The following CAMTA1 variants were observed in gnomAD, a reference collection of about 807,000 sequenced individuals.
The protein encoded by CAMTA1 is calmodulin binding transcription activator 1, also known as calmodulin-binding transcription activator 1.
Under a neutral mutation model 170.9 loss-of-function variants are expected in CAMTA1, and 27 were observed. The observed-to-expected ratio is 0.16, with a 90% CI of 0.12 to 0.22. CAMTA1 has a LOEUF of 0.22. Among genes scored for constraint, CAMTA1 ranks in the 10% least tolerant of loss-of-function variants. The probability of loss-of-function intolerance (pLI) is 1.00; values close to 1 mark genes in which losing one functional copy is unlikely to be tolerated. For missense variants in CAMTA1, 1,619 were observed against 2,217.2 expected, an observed-to-expected ratio of 0.73 and a Z score of 5.42; for synonymous variants, 833 against 891.5, an observed-to-expected ratio of 0.93 and a Z score of 1.17.
rs1331458633 is a variant in CAMTA1 at position 7,532,144 on chromosome 1, G to A, written c.510+64243G>A. Among the ~76,000 whole-genome samples the A allele has an allele frequency of 6.6e-6, 1 of 152,102 alleles. No individual in the cohort carries two copies. The highest frequency in any genetic ancestry group is 2.4e-5 in the African/African-American group (1 of 41,430). ...TACCTGGAGGCTCCCGGGCCCACCCGAGCCCTAAGCTGCAGCCCTTGGGAC... is the reference window on the plus strand; with the variant it reads ...TACCTGGAGGCTCCCGGGCCCACCCAAGCCCTAAGCTGCAGCCCTTGGGAC... On this transcript the variant is annotated intron_variant, in intron 6 of 22. Transcript: ENST00000303635. This position sits in a 1 kb window ranked among gnomAD's most constrained non-coding sequence, Gnocchi z 4.2.
intron 5 of CAMTA1, among the ~76,000 whole-genome samples, chr1:7,457,727 C>A (rs891213908): frequency 6.6e-6 from 1 of 152,168 alleles, no homozygotes; most frequent in Admixed American, 6.5e-5. Context: ...TCTCCATGAC[C>A]CCCCTGCAGA....
intron 5 of CAMTA1, among the ~76,000 whole-genome samples, chr1:7,412,022 C>T (rs2090811191): frequency 6.7e-6 from 1 of 149,906 alleles, no homozygotes; most frequent in Non-Finnish European, 1.5e-5. Context: ...GGTTTTTTGT[C>T]CTTGCCATAG....
intron 3 of CAMTA1, among the ~76,000 whole-genome samples, chr1:7,003,746 C>T (rs1440180905): frequency 6.6e-6 from 1 of 152,180 alleles, no homozygotes; most frequent in African/African-American, 2.4e-5. Context: ...TAATGATTTT[C>T]ATATACCAGC....
Position 7,085,828 on chromosome 1 carries a change from T to C in CAMTA1, c.235-5476T>C, listed in dbSNP as rs1251940137. Among the ~76,000 whole-genome samples, 9 of 152,200 alleles carry C rather than the reference T, an allele frequency of 5.9e-5. 1 individual carries two copies. The highest frequency in any genetic ancestry group is 2.2e-4 in the African/African-American group (9 of 41,462). On this transcript the variant is annotated intron_variant, in intron 3 of 22. Transcript: ENST00000303635. ...CAGTCCTCTATCAAAACCCATCAGC[T>C]TGGGGACTGGATGGTGGGTGACCAT... is the stretch of plus-strand genomic sequence containing the variant.
At chr1:7,707,644 T>C (rs1275089480) in intron 11 of CAMTA1, among the ~76,000 whole-genome samples, 1 of 152,246 alleles carries the variant, frequency 6.6e-6, no homozygotes, top group East Asian at 1.9e-4. Context: ...CCCAAAGTGC[T>C]GAGATCACAG....
chr1:7,451,420 C>T (rs1575405379), intron 5 of CAMTA1, among the ~76,000 whole-genome samples: 3 of 152,280 alleles, frequency 2.0e-5, no homozygotes, highest in East Asian at 1.9e-4. Context: ...GCACTGCCTA[C>T]GGAGGGTCAC....
chr1:7,551,855 C>T (rs745371980), intron 6 of CAMTA1, among the ~76,000 whole-genome samples: 21 of 152,226 alleles, frequency 1.4e-4, no homozygotes, highest in Non-Finnish European at 1.6e-4. Flanking sequence ...TCTCTCCATT[C>T]CTGATGGCCT....
chr1:7,166,346 G>A (rs971066616), intron 4 of CAMTA1, among the ~76,000 whole-genome samples: 4 of 152,248 alleles, frequency 2.6e-5, no homozygotes, highest in East Asian at 1.9e-4. Context: ...GATTACAGGC[G>A]TGAGCCACCG....
At chr1:6,925,634 C>G (rs993288166) in intron 3 of CAMTA1, among the ~76,000 whole-genome samples, 1 of 152,108 alleles carries the variant, frequency 6.6e-6, no homozygotes, top group African/African-American at 2.4e-5. Flanking sequence ...TCCTTGGTAC[C>G]CTCTCTGGTT....
At position 7,748,769 on chromosome 1, in the gene CAMTA1, T is replaced by G. The variant is rs889673008; in HGVS notation, c.4689+988T>G. On this transcript the variant is annotated intron_variant, in intron 19 of 22. Transcript: ENST00000303635. The surrounding 1 kb of genome is among the most constrained non-coding windows in gnomAD (Gnocchi z 4.7). ...AGCTCAGAACATCTTAAACTGCTTTTGTGCACCTTAGTTAAAGGTGCAAGA... is the reference window on the plus strand; with the variant it reads ...AGCTCAGAACATCTTAAACTGCTTTGGTGCACCTTAGTTAAAGGTGCAAGA... 6.6e-6 allele frequency among the ~76,000 whole-genome samples: 1 copy of G among 152,240 alleles called. No individual in the cohort carries two copies. Among genetic ancestry groups the G allele is most frequent in the Non-Finnish European group, 1.5e-5 (1 of 68,036 alleles).
At chr1:6,900,566 C>T (rs1389824591) in intron 3 of CAMTA1, among the ~76,000 whole-genome samples, 1 of 151,510 alleles carries the variant, frequency 6.6e-6, no homozygotes, top group Non-Finnish European at 1.5e-5. Flanking sequence ...AAAAAAAAAC[C>T]CAAGCACCTA....
intron 5 of CAMTA1, among the ~76,000 whole-genome samples, chr1:7,452,366 A>G (rs1003054941): frequency 1.3e-5 from 2 of 152,064 alleles, no homozygotes; most frequent in South Asian, 4.2e-4. Context: ...GTTTGTTTTC[A>G]TTTTGGTCAG....
chr1:7,108,820 C>A (rs1445914157), intron 4 of CAMTA1, among the ~76,000 whole-genome samples: 1 of 152,210 alleles, frequency 6.6e-6, no homozygotes, highest in Non-Finnish European at 1.5e-5. Flanking sequence ...TATCATTTTG[C>A]CCTGTCTGTC....
At chr1:7,416,596 G>A (rs1401539419) in intron 5 of CAMTA1, among the ~76,000 whole-genome samples, 1 of 152,058 alleles carries the variant, frequency 6.6e-6, no homozygotes, top group African/African-American at 2.4e-5. Context: ...CTCGAGCCTT[G>A]GCTTTCAGCT....
intron 3 of CAMTA1, among the ~76,000 whole-genome samples, chr1:7,070,581 C>T (rs958251315): frequency 6.6e-6 from 1 of 152,146 alleles, no homozygotes; most frequent in Non-Finnish European, 1.5e-5. Context: ...ATGCCTGTTG[C>T]CCCCTAGTGG....
At chr1:7,647,479 C>T (rs1007954792) in intron 7 of CAMTA1, among the ~76,000 whole-genome samples, 2 of 152,198 alleles carry the variant, frequency 1.3e-5, no homozygotes, top group African/African-American at 4.8e-5. Context: ...ACTCCCCGGT[C>T]CAGGCCACCT....
At chr1:7,143,445 G>GCA (rs2148631087) in intron 4 of CAMTA1, among the ~76,000 whole-genome samples, 1 of 152,298 alleles carries the variant, frequency 6.6e-6, no homozygotes, top group East Asian at 1.9e-4. Context: ...ATGACATTTT[G>GCA]CACACCCAGA....
chr1:7,010,477 C>T lies in CAMTA1; in HGVS notation c.235-80827C>T, dbSNP rs898753865. Among the ~76,000 whole-genome samples, 9 of 152,220 alleles carry T rather than the reference C, an allele frequency of 5.9e-5. No individual in the cohort carries two copies. The highest frequency in any genetic ancestry group is 3.3e-4 in the Admixed American group (5 of 15,280). On this transcript the variant is annotated intron_variant, in intron 3 of 22. Coordinates refer to ENST00000303635, the MANE Select transcript of CAMTA1 (RefSeq NM_015215.4). The surrounding 1 kb of genome is among the most constrained non-coding windows in gnomAD (Gnocchi z 4.4). Reference sequence around the variant, plus strand: ...GGAGACGCTTTCTGAACACAGTCTGCGTCCTTCCTTATTTTTTGTTATCTT... The same window carrying T: ...GGAGACGCTTTCTGAACACAGTCTGTGTCCTTCCTTATTTTTTGTTATCTT...
intron 4 of CAMTA1, among the ~76,000 whole-genome samples, chr1:7,206,630 A>G (rs1381944363): frequency 6.6e-6 from 1 of 152,058 alleles, no homozygotes; most frequent in Non-Finnish European, 1.5e-5. Flanking sequence ...ATATCACAGG[A>G]TATTTATCTG....
Sources: allele counts gnomAD v4.1 joint callset (sites outside exome capture counted in the v4.1 genomes callset), GRCh38; gene constraint gnomAD v4.1.1; non-coding constraint Gnocchi (gnomAD v3.1); transcripts MANE v1.5; gene names NCBI Gene and HGNC (gene_info 2026-07-23, HGNC 2026-07-21).